PRMT3: variants seen among roughly 807,000 people sequenced by gnomAD.
The protein encoded by PRMT3 is protein arginine methyltransferase 3, also known as protein arginine N-methyltransferase 3.
In PRMT3, 62 loss-of-function variants were observed where a neutral mutation model predicts 71.9. The observed-to-expected ratio is 0.86, with a 90% CI of 0.70 to 1.07. The LOEUF (loss-of-function observed/expected upper bound fraction) is 1.07. PRMT3 is among the 50% of genes least tolerant of loss of function. The pLI is 0.00. For missense variants in PRMT3, 663 were observed against 643.0 expected (o/e 1.03, Z -0.34); for synonymous variants, 213 against 220.4 (o/e 0.97, Z 0.30).
chr11:20,466,251 C>A (rs1282108606), intron 13 of PRMT3, among the ~76,000 whole-genome samples: 2 of 152,036 alleles, frequency 1.3e-5, no homozygotes, highest in Non-Finnish European at 2.9e-5. Flanking sequence ...ATTGGGAGAC[C>A]TAAAGGAACA....
At chr11:20,455,627 C>T (rs1800988040) in intron 11 of PRMT3, among the ~76,000 whole-genome samples, 1 of 151,750 alleles carries the variant, frequency 6.6e-6, no homozygotes, top group Admixed American at 6.6e-5. Context: ...TAATTTGATT[C>T]CTAATTTTTC....
At chr11:20,392,845 G>T in intron 4 of PRMT3, 52 bp from the exon 5 acceptor site, 1 of 1,150,178 alleles carries the variant, frequency 8.7e-7, no homozygotes, top group South Asian at 1.4e-5. Context: ...TTACTAAGGG[G>T]ATTTTGTGAT....
At chr11:20,395,043 T>G (rs72940873) in intron 5 of PRMT3, among the ~76,000 whole-genome samples, 7,031 of 152,268 alleles carry the variant, frequency 0.046, 241 homozygotes, top group Non-Finnish European at 0.068. Context: ...ATATATAACT[T>G]TAGGATAGTC....
At chr11:20,438,259 T>C (rs1849806353) in intron 10 of PRMT3, among the ~76,000 whole-genome samples, 1 of 152,080 alleles carries the variant, frequency 6.6e-6, no homozygotes, top group African/African-American at 2.4e-5. Context: ...AGCAGGGATG[T>C]TCTGGAGGTT....
At chr11:20,447,712 GCT>G (rs1027930085) in intron 10 of PRMT3, among the ~76,000 whole-genome samples, 1 of 151,912 alleles carries the variant, frequency 6.6e-6, no homozygotes, top group African/African-American at 2.4e-5. Context: ...GGTTCCTGTG[GCT>G]CTCTCTAAAC....
At chr11:20,411,478 A>G (rs1590044042) in intron 9 of PRMT3, among the ~76,000 whole-genome samples, 1 of 152,110 alleles carries the variant, frequency 6.6e-6, no homozygotes, top group Non-Finnish European at 1.5e-5. Flanking sequence ...ATTTCCTGCT[A>G]GCTCCAAAGT....
At chr11:20,468,858 T>G (rs1022098611) in intron 13 of PRMT3, among the ~76,000 whole-genome samples, 1 of 152,006 alleles carries the variant, frequency 6.6e-6, no homozygotes, top group Non-Finnish European at 1.5e-5. Context: ...TGAAAAACAT[T>G]ATCTTCTGCA....
chr11:20,404,232 T>G lies in PRMT3; in HGVS notation c.771+1248T>G, dbSNP rs1334978493. Among the ~76,000 whole-genome samples the G allele has an allele frequency of 1.9e-4, 21 of 112,124 alleles. 2 individuals carry two copies. Among genetic ancestry groups the G allele is most frequent in the East Asian group, 7.4e-4 (3 of 4,064 alleles). The allele number at this position is 112,124 out of a possible 152,430, so 73.6% of individuals were successfully genotyped here. ...CATAGTTTTTTTTTTTTTTTTTTTTTTTTTTTTTTTTTTTTTTTTTGAGAC... is the reference window on the plus strand; with the variant it reads ...CATAGTTTTTTTTTTTTTTTTTTTTGTTTTTTTTTTTTTTTTTTTTGAGAC... On this transcript the variant is annotated intron_variant, in intron 8 of 15. Transcript: ENST00000331079.
intron 9 of PRMT3, among the ~76,000 whole-genome samples, chr11:20,417,384 G>A (rs762567384): frequency 6.6e-6 from 1 of 151,944 alleles, no homozygotes; most frequent in Non-Finnish European, 1.5e-5. Flanking sequence ...TCCCCCATAA[G>A]CTATCATCCA....
chr11:20,499,696 C>G (rs1851413739), intron 15 of PRMT3, among the ~76,000 whole-genome samples: 3 of 152,008 alleles, frequency 2.0e-5, no homozygotes, highest in Admixed American at 6.6e-5. Flanking sequence ...AAATAGAAAA[C>G]AAATGGTGAG....
intron 8 of PRMT3, among the ~76,000 whole-genome samples, chr11:20,403,438 CTTTAT>C (rs1364861316): frequency 1.3e-5 from 2 of 151,990 alleles, no homozygotes; most frequent in African/African-American, 4.8e-5. Flanking sequence ...AGTTTATATG[CTTTAT>C]TTTAATACTT....
intron 8 of PRMT3, among the ~76,000 whole-genome samples, chr11:20,404,592 A>G (rs1158383731): frequency 2.0e-5 from 3 of 152,002 alleles, no homozygotes; most frequent in African/African-American, 4.8e-5. Context: ...TTGTCTAAAA[A>G]CCACTCTGTT....
At chr11:20,496,055 C>G (rs1019218470) in intron 15 of PRMT3, among the ~76,000 whole-genome samples, 1 of 152,194 alleles carries the variant, frequency 6.6e-6, no homozygotes, top group Non-Finnish European at 1.5e-5. Context: ...ACCATCCCTA[C>G]AGCTAAGCAA....
Position 20,486,704 on chromosome 11 carries a change from G to A in PRMT3, c.1348-7215G>A, listed in dbSNP as rs1003229990. On this transcript the variant is annotated intron_variant, in intron 13 of 15. Transcript: ENST00000331079. ...GTAATGATGACATTATCACTGTGCT[G>A]CCAGAAAATAACTGCCAACCCTGAG... is the stretch of plus-strand genomic sequence containing the variant. 2.0e-5 allele frequency among the ~76,000 whole-genome samples: 3 copies of A among 152,120 alleles called. No homozygotes were observed. The East Asian group carries it at 5.8e-4, about 29-fold the overall frequency.
intron 10 of PRMT3, among the ~76,000 whole-genome samples, chr11:20,449,426 A>G (rs543183156): frequency 5.2e-4 from 79 of 152,220 alleles, no homozygotes; most frequent in African/African-American, 1.8e-3. Context: ...ACTAAATCTT[A>G]TTTTCAATTA....
chr11:20,416,769 C>T (rs770207197), intron 9 of PRMT3, among the ~76,000 whole-genome samples: 8 of 152,140 alleles, frequency 5.3e-5, no homozygotes, highest in Non-Finnish European at 8.8e-5. Flanking sequence ...GAGGGAGCAG[C>T]TCATAGAATA....
chr11:20,477,550 C>T (rs957309792), intron 13 of PRMT3, among the ~76,000 whole-genome samples: 6 of 141,766 alleles, frequency 4.2e-5, no homozygotes, highest in Non-Finnish European at 3.2e-5. Context: ...AGCAAGATTC[C>T]GTCTCAAAAA....
intron 13 of PRMT3, among the ~76,000 whole-genome samples, chr11:20,479,128 A>G (rs907412122): frequency 6.6e-6 from 1 of 152,152 alleles, no homozygotes; most frequent in Non-Finnish European, 1.5e-5. Context: ...TCCCACCTCT[A>G]CAGTTGGTTT....
chr11:20,450,013 T>C (rs7952333), intron 10 of PRMT3, among the ~76,000 whole-genome samples: 74 of 152,218 alleles, frequency 4.9e-4, no homozygotes, highest in Admixed American at 1.4e-3. Flanking sequence ...TGGAGCTTGA[T>C]GAAAGAAAAA....
Sources: gnomAD v4.1 joint callset for allele counts (sites outside exome capture counted in the v4.1 genomes callset) on GRCh38, gnomAD v4.1.1 for gene constraint, MANE v1.5 for transcripts, NCBI Gene and HGNC (gene_info 2026-07-23, HGNC 2026-07-21) for gene names.